DCLK1: variants seen among roughly 807,000 people sequenced by gnomAD.
The protein encoded by DCLK1 is serine/threonine-protein kinase DCLK1.
In DCLK1, 16 loss-of-function variants were observed where a neutral mutation model predicts 86.2. That is an observed-to-expected ratio of 0.19 (90% confidence interval 0.13 to 0.28). The LOEUF (loss-of-function observed/expected upper bound fraction) is 0.28, where lower values mean the gene tolerates loss of function less well. Among genes scored for constraint, DCLK1 ranks in the 10% least tolerant of loss-of-function variants. The probability of loss-of-function intolerance (pLI) is 1.00; values close to 1 mark genes in which losing one functional copy is unlikely to be tolerated. For missense variants in DCLK1, 590 were observed against 940.2 expected (o/e 0.63, Z 4.87); for synonymous variants, 369 against 370.5 (o/e 1.00, Z 0.05).
In DCLK1 at chr13:35,810,876, G is replaced by T; in HGVS notation, c.1647C>A (p.Gly549=). The T allele has an allele frequency of 6.2e-7, 1 of 1,614,034 alleles. No homozygotes were observed. Among genetic ancestry groups the T allele is most frequent in the Non-Finnish European group, 8.5e-7 (1 of 1,179,948 alleles). ...TTTCTGGAGCCACGTATGTTGGGGT[G>T]CCACAGACTGTGTACAGGGGGCCGT... ...IVDGPLYTVC[G]TPTYVAPEII... The change falls in exon 12 of 17, where the codon GGC becomes GGA. Residue 549 remains glycine, a synonymous_variant. Coordinates refer to ENST00000360631, the MANE Select transcript of DCLK1 (RefSeq NM_001330071.2).
chr13:35,831,543 C>A (rs1322169957), intron 8 of DCLK1, among the ~76,000 whole-genome samples: 1 of 152,096 alleles, frequency 6.6e-6, no homozygotes, highest in Non-Finnish European at 1.5e-5. Context: ...GGACGCAGGG[C>A]TCTTTGGTGG....
intron 3 of DCLK1, among the ~76,000 whole-genome samples, chr13:35,957,982 A>AACCACCACC (rs1337330365): frequency 2.0e-5 from 3 of 149,488 alleles, no homozygotes; most frequent in Non-Finnish European, 4.5e-5. Flanking sequence ...TCACTGCTAT[A>AACCACCACC]ACCACCACCA....
intron 3 of DCLK1, among the ~76,000 whole-genome samples, chr13:36,108,925 G>A (rs1321677427): frequency 1.3e-5 from 2 of 152,190 alleles, no homozygotes; most frequent in Non-Finnish European, 2.9e-5. Context: ...ATGGCCAAGC[G>A]TTATTCCACA....
At chr13:36,059,318 T>C (rs1883452371) in intron 3 of DCLK1, among the ~76,000 whole-genome samples, 1 of 152,178 alleles carries the variant, frequency 6.6e-6, no homozygotes, top group Non-Finnish European at 1.5e-5. Context: ...CATTACCTCC[T>C]TCACATAGTA....
At chr13:35,925,567 G>A (rs1876066864) in intron 4 of DCLK1, among the ~76,000 whole-genome samples, 1 of 152,072 alleles carries the variant, frequency 6.6e-6, no homozygotes, top group Non-Finnish European at 1.5e-5. Flanking sequence ...CCTTTCTTGG[G>A]CTACAAAATA....
chr13:35,966,198 G>A (rs1878724734), intron 3 of DCLK1, among the ~76,000 whole-genome samples: 1 of 152,194 alleles, frequency 6.6e-6, no homozygotes, highest in South Asian at 2.1e-4. Flanking sequence ...AATAAAAAAT[G>A]ATGCAGCCAC....
chr13:36,112,517 A>T (rs907836879), intron 2 of DCLK1, among the ~76,000 whole-genome samples: 2 of 152,232 alleles, frequency 1.3e-5, no homozygotes, highest in African/African-American at 4.8e-5. Context: ...TGTGAAAGTG[A>T]ATTTAAAATA....
intron 3 of DCLK1, among the ~76,000 whole-genome samples, chr13:35,993,809 A>T (rs1184321804): frequency 6.6e-6 from 1 of 150,758 alleles, no homozygotes; most frequent in East Asian, 2.0e-4. Flanking sequence ...AGAGAATTCA[A>T]ATTCAATTCC....
chr13:35,774,949 TC>T (rs2086398021), intron 16 of DCLK1, among the ~76,000 whole-genome samples: 1 of 152,070 alleles, frequency 6.6e-6, no homozygotes, highest in South Asian at 2.1e-4. Context: ...GTTTGACCCT[TC>T]CCCACTCCTC....
chr13:35,976,131 G>C (rs993956793), intron 3 of DCLK1, among the ~76,000 whole-genome samples: 5 of 152,150 alleles, frequency 3.3e-5, no homozygotes, highest in African/African-American at 1.2e-4. Context: ...CAGCCCCAAA[G>C]GATGACATGC....
At chr13:35,808,887 A>C (rs1164926448) in intron 13 of DCLK1, 131 bp downstream of exon 13, 1 of 606,446 alleles carries the variant, frequency 1.6e-6, no homozygotes, top group African/African-American at 1.9e-5. Context: ...GGGAAAAAAT[A>C]ACAGGGATTG....
intron 15 of DCLK1, among the ~76,000 whole-genome samples, chr13:35,799,648 G>A (rs1467839045): frequency 2.0e-5 from 3 of 151,950 alleles, no homozygotes; most frequent in East Asian, 1.9e-4. Flanking sequence ...AGAATAACTC[G>A]GGATAAGGTA....
intron 3 of DCLK1, among the ~76,000 whole-genome samples, chr13:36,095,399 T>A (rs1884977155): frequency 6.6e-6 from 1 of 151,848 alleles, no homozygotes; most frequent in Non-Finnish European, 1.5e-5. Context: ...TAGAGACGGG[T>A]TTCACTGTGG....
intron 4 of DCLK1, among the ~76,000 whole-genome samples, chr13:35,933,440 G>T (rs1876569225): frequency 6.6e-6 from 1 of 152,190 alleles, no homozygotes; most frequent in African/African-American, 2.4e-5. Context: ...CCCTAGCAGA[G>T]GTTCTCCATG....
intron 4 of DCLK1, among the ~76,000 whole-genome samples, chr13:35,872,307 T>C (rs1872327665): frequency 6.6e-6 from 1 of 152,248 alleles, no homozygotes; most frequent in South Asian, 2.1e-4. Flanking sequence ...AGAATTTTTG[T>C]CTATGCATTT....
At chr13:35,792,538 A>T (rs778551149) in intron 16 of DCLK1, among the ~76,000 whole-genome samples, 11 of 152,186 alleles carry the variant, frequency 7.2e-5, no homozygotes, top group Non-Finnish European at 1.2e-4. Context: ...TTGTTTGGAG[A>T]AGAAAAACAG....
At chr13:35,867,871 G>GAAAGAAAGAAAGAAAGAAAGAAAGAA (rs1566576739) in intron 5 of DCLK1, among the ~76,000 whole-genome samples, 6 of 124,406 alleles carry the variant, frequency 4.8e-5, no homozygotes, top group African/African-American at 1.8e-4. Flanking sequence ...AAGAAAGAAA[G>GAAAGAAAGAAAGAAAGAAAGAAAGAA]AGAGAGGGAG....
At chr13:36,040,221 G>A (rs1460518519) in intron 3 of DCLK1, among the ~76,000 whole-genome samples, 1 of 150,960 alleles carries the variant, frequency 6.6e-6, no homozygotes, top group African/African-American at 2.4e-5. Flanking sequence ...TTCTGTTACA[G>A]GATCTCCTTT....
chr13:35,878,244 G>C (rs1198227850), intron 4 of DCLK1, among the ~76,000 whole-genome samples: 1 of 152,164 alleles, frequency 6.6e-6, no homozygotes, highest in African/African-American at 2.4e-5. Context: ...GAAATGTTAT[G>C]ATTTTCATAC....
Sources: gnomAD v4.1 joint callset for allele counts (sites outside exome capture counted in the v4.1 genomes callset) on GRCh38, gnomAD v4.1.1 for gene constraint, MANE v1.5 for transcripts, NCBI Gene and HGNC (gene_info 2026-07-23, HGNC 2026-07-21) for gene names.